Variants in PLD5 observed in about 807,000 individuals in gnomAD.
The protein encoded by PLD5 is inactive phospholipase D5.
A neutral mutation model predicts 61.1 loss-of-function variants in PLD5; 36 were observed. The observed-to-expected ratio is 0.59, with a 90% CI of 0.45 to 0.78. The LOEUF (loss-of-function observed/expected upper bound fraction) is 0.78. PLD5 is among the 30% of genes least tolerant of loss of function. The probability of loss-of-function intolerance (pLI) is 0.00; values close to 1 mark genes in which losing one functional copy is unlikely to be tolerated. For missense variants in PLD5, 515 were observed against 644.4 expected, an observed-to-expected ratio of 0.80 and a Z score of 2.17; for synonymous variants, 243 against 242.8, an observed-to-expected ratio of 1.00 and a Z score of -0.01.
intron 7 of PLD5, among the ~76,000 whole-genome samples, chr1:242,109,032 T>C (rs907372652): frequency 2.0e-5 from 3 of 152,224 alleles, no homozygotes; most frequent in Non-Finnish European, 2.9e-5. Context: ...TACAGTTTTC[T>C]TTGTCTGGTT....
At chr1:242,279,813 T>C (rs1674622443) in intron 3 of PLD5, among the ~76,000 whole-genome samples, 1 of 152,230 alleles carries the variant, frequency 6.6e-6, no homozygotes, top group African/African-American at 2.4e-5. Flanking sequence ...ATTACAGGCG[T>C]TGGCCACCAC....
intron 1 of PLD5, among the ~76,000 whole-genome samples, chr1:242,464,521 C>T (rs1667216113): frequency 6.6e-6 from 1 of 152,052 alleles, no homozygotes; most frequent in Admixed American, 6.5e-5. Context: ...TAGAAAATAA[C>T]AAAAGGTGGT....
intron 1 of PLD5, among the ~76,000 whole-genome samples, chr1:242,493,300 C>A (rs1463660359): frequency 6.6e-6 from 1 of 151,922 alleles, no homozygotes; most frequent in African/African-American, 2.4e-5. Flanking sequence ...AACTGGGAAA[C>A]CCCACAAGAT....
At chr1:242,312,520 T>A (rs992815545) in intron 2 of PLD5, among the ~76,000 whole-genome samples, 3 of 152,122 alleles carry the variant, frequency 2.0e-5, no homozygotes, top group African/African-American at 4.8e-5. Flanking sequence ...TGCTCAAAGA[T>A]CTCTTGCCCC....
chr1:242,240,067 C>G (rs541792002), intron 4 of PLD5, among the ~76,000 whole-genome samples: 2 of 152,350 alleles, frequency 1.3e-5, no homozygotes, highest in East Asian at 1.9e-4. Context: ...CTGTTCTTAA[C>G]TGTCAACCTC....
chr1:242,214,937 C>T (rs1360403753), intron 5 of PLD5, among the ~76,000 whole-genome samples: 2 of 127,616 alleles, frequency 1.6e-5, no homozygotes, highest in Middle Eastern at 5.6e-3. Context: ...AGTGCAGTGG[C>T]GAGACCCTGG....
At chr1:242,310,240 G>C (rs4589096) in intron 2 of PLD5, among the ~76,000 whole-genome samples, 35,643 of 152,006 alleles carry the variant, frequency 0.23, 5,500 homozygotes, top group African/African-American at 0.43. Context: ...AGAGCAGACA[G>C]TCTATCATCT....
At position 242,362,325 on chromosome 1, in the gene PLD5, G is replaced by T. The variant is rs1206462321; in HGVS notation, c.190-14083C>A. ...GAGACAGTCTGGGTATTTAATTTAGGTCTAGAAATCCAAAATCTGTCTGTT... is the reference window on the plus strand; with the variant it reads ...GAGACAGTCTGGGTATTTAATTTAGTTCTAGAAATCCAAAATCTGTCTGTT... On this transcript the variant is annotated intron_variant, in intron 1 of 9. Coordinates refer to ENST00000536534, the MANE Select transcript of PLD5 (RefSeq NM_001372062.1). Among the ~76,000 whole-genome samples, 3 of 152,084 alleles carry T rather than the reference G, an allele frequency of 2.0e-5. 1 individual carries two copies. The highest frequency in any genetic ancestry group is 2.0e-4 in the Admixed American group (3 of 15,248).
chr1:242,159,964 G>T (rs1665693282), intron 5 of PLD5, among the ~76,000 whole-genome samples: 1 of 151,962 alleles, frequency 6.6e-6, no homozygotes, highest in African/African-American at 2.4e-5. Context: ...GACAACACTT[G>T]CTTTTAGCAA....
intron 2 of PLD5, among the ~76,000 whole-genome samples, chr1:242,339,351 C>T (rs1231718315): frequency 3.3e-5 from 5 of 151,984 alleles, no homozygotes; most frequent in African/African-American, 4.8e-5. Context: ...GCTGATAATG[C>T]CAATAAAAGA....
chr1:242,111,079 G>T (rs572701684), intron 7 of PLD5, among the ~76,000 whole-genome samples: 2 of 146,508 alleles, frequency 1.4e-5, no homozygotes, highest in Non-Finnish European at 3.0e-5. Flanking sequence ...TTTTTTAAAC[G>T]GAGTTTCACT....
chr1:242,469,025 C>G (rs1309000276), intron 1 of PLD5, among the ~76,000 whole-genome samples: 8 of 152,206 alleles, frequency 5.3e-5, no homozygotes, highest in Admixed American at 1.3e-4. Flanking sequence ...CCAAAGTCCA[C>G]AGTCGTAACT....
chr1:242,111,182 G>A (rs1228556211), intron 7 of PLD5, among the ~76,000 whole-genome samples: 2 of 151,724 alleles, frequency 1.3e-5, no homozygotes, highest in African/African-American at 2.4e-5. Flanking sequence ...TCAGCCTCCC[G>A]AGTAGCTGGG....
At chr1:242,151,719 T>C (rs1223449193) in intron 5 of PLD5, among the ~76,000 whole-genome samples, 1 of 152,126 alleles carries the variant, frequency 6.6e-6, no homozygotes, top group Non-Finnish European at 1.5e-5. Context: ...TTTTGGAACA[T>C]TCTAGGCTAT....
intron 1 of PLD5, among the ~76,000 whole-genome samples, chr1:242,477,578 G>C (rs1667638501): frequency 6.6e-6 from 1 of 152,190 alleles, no homozygotes; most frequent in Non-Finnish European, 1.5e-5. Flanking sequence ...GCATCCTGGA[G>C]GGGAACAGTA....
intron 1 of PLD5, among the ~76,000 whole-genome samples, chr1:242,492,008 CT>C (rs1668169664): frequency 6.6e-6 from 1 of 152,176 alleles, no homozygotes; most frequent in Non-Finnish European, 1.5e-5. Context: ...TAGTCACAAT[CT>C]TTTTTATCTG....
chr1:242,260,496 G>A (rs1374763221), intron 4 of PLD5, among the ~76,000 whole-genome samples: 2 of 152,090 alleles, frequency 1.3e-5, no homozygotes, highest in Non-Finnish European at 2.9e-5. Context: ...GAAGTCTACC[G>A]ATTAAGATCA....
chr1:242,393,899 A>C (rs1371761492), intron 1 of PLD5, among the ~76,000 whole-genome samples: 1 of 145,472 alleles, frequency 6.9e-6, no homozygotes, highest in African/African-American at 2.5e-5. Flanking sequence ...GTCTCTACTA[A>C]AAATGCAAAA....
At chr1:242,345,399 T>C (rs1574769954) in intron 2 of PLD5, among the ~76,000 whole-genome samples, 1 of 152,124 alleles carries the variant, frequency 6.6e-6, no homozygotes, top group Non-Finnish European at 1.5e-5. Context: ...GGCAGGTAGG[T>C]GTGAGGGTGA....
Sources: allele counts gnomAD v4.1 joint callset (sites outside exome capture counted in the v4.1 genomes callset), GRCh38; gene constraint gnomAD v4.1.1; transcripts MANE v1.5; gene names NCBI Gene and HGNC (gene_info 2026-07-23, HGNC 2026-07-21).